The following CLIP2 variants were observed in gnomAD, a reference collection of about 807,000 sequenced individuals.
CLIP2 encodes the protein CAP-Gly domain containing linker protein 2, also known as CAP-Gly domain-containing linker protein 2.
A neutral mutation model predicts 111.7 loss-of-function variants in CLIP2; 41 were observed. The observed-to-expected ratio is 0.37, with a 90% CI of 0.29 to 0.48. CLIP2 has a LOEUF of 0.48. Ranked by LOEUF, CLIP2 falls within the 20% of genes least tolerant of loss-of-function variation. CLIP2 has a pLI of 0.99. For synonymous variants in CLIP2, 660 were observed against 644.2 expected (o/e 1.02, Z -0.37); for missense variants, 1,160 against 1,422.1 (o/e 0.82, Z 2.96).
At chr7:74,297,736 T>G (rs1788213865) in intron 1 of CLIP2, among the ~76,000 whole-genome samples, 1 of 152,026 alleles carries the variant, frequency 6.6e-6, no homozygotes, top group Non-Finnish European at 1.5e-5. Context: ...GCTGGGTGAA[T>G]GTGGCTATGG....
Position 74,405,002 on chromosome 7 carries a change from G to A in CLIP2, c.*1154G>A, listed in dbSNP as rs542636755. The A allele has an allele frequency of 6.6e-6, 1 of 152,348 alleles. No homozygotes were observed. Among genetic ancestry groups the A allele is most frequent in the African/African-American group, 2.4e-5 (1 of 41,548 alleles). The allele number at this position is 152,348 out of a possible 1,614,324, so 9.4% of individuals were successfully genotyped here. On this transcript the variant is annotated 3_prime_UTR_variant, in exon 17 of 17. Transcript: ENST00000223398. Reference sequence around the variant, plus strand: ...CAAGTACACGCAGCCAGGCATTCAGGGGTGTGTTTGCCACATGGAGCATCC... The same window carrying A: ...CAAGTACACGCAGCCAGGCATTCAGAGGTGTGTTTGCCACATGGAGCATCC...
At chr7:74,352,415 C>T (rs149832272) in intron 3 of CLIP2, among the ~76,000 whole-genome samples, 2,358 of 150,664 alleles carry the variant, frequency 0.016, 61 homozygotes, top group African/African-American at 0.054. Flanking sequence ...CCAGCCTGGG[C>T]GACAGAGTGA....
intron 1 of CLIP2, among the ~76,000 whole-genome samples, chr7:74,312,013 A>G (rs1788653546): frequency 6.6e-6 from 1 of 152,058 alleles, no homozygotes; most frequent in South Asian, 2.1e-4. Flanking sequence ...TGGGAGGCTG[A>G]GGCAGGTGGA....
intron 2 of CLIP2, among the ~76,000 whole-genome samples, chr7:74,334,518 CTGGGCTCTAAGCA>C (rs1789393426): frequency 6.6e-6 from 1 of 152,110 alleles, no homozygotes; most frequent in Non-Finnish European, 1.5e-5. Context: ...GGACCCTTCT[CTGGGCTCTAAGCA>C]CAGAGGGCAG....
At chr7:74,292,671 A>C (rs529872924) in intron 1 of CLIP2, among the ~76,000 whole-genome samples, 1 of 152,150 alleles carries the variant, frequency 6.6e-6, no homozygotes, top group South Asian at 2.1e-4. Flanking sequence ...TACAGGCGTG[A>C]GCCACCACGC....
In CLIP2 at chr7:74,315,262, C is replaced by A. The variant is rs138759750; in HGVS notation, c.-67-2218C>A. Among the ~76,000 whole-genome samples, 998 of 151,836 alleles carry A rather than the reference C, an allele frequency of 6.6e-3. 3 individuals carry two copies. Among genetic ancestry groups the A allele is most frequent in the Non-Finnish European group, 0.011 (733 of 67,982 alleles). On this transcript the variant is annotated intron_variant, in intron 1 of 16. Transcript: ENST00000223398. The stretch of plus-strand genomic sequence containing the variant: ...CTGCGCTCTAGCCTGGGCGAGAGAG[C>A]GAGAGTCCGTCACAAAAATACATTT...
chr7:74,344,711 G>GA (rs1789755322), intron 3 of CLIP2, among the ~76,000 whole-genome samples: 1 of 152,044 alleles, frequency 6.6e-6, no homozygotes, highest in Non-Finnish European at 1.5e-5. Context: ...CCTAATCGAG[G>GA]ATTTAGGCTA....
In CLIP2 at chr7:74,301,609, C is replaced by T; in HGVS notation, c.-68+11875C>T. On this transcript the variant is annotated intron_variant, in intron 1 of 16. Transcript: ENST00000223398. The stretch of plus-strand genomic sequence containing the variant: ...GTTTCACCATGTTGGCCAGGCTGGT[C>T]TCAAACTCCTGACCTCAGGTGATCC... 1.3e-5 allele frequency among the ~76,000 whole-genome samples: 2 copies of T among 150,334 alleles called. 1 individual carries two copies. The highest frequency in any genetic ancestry group is 3.0e-5 in the Non-Finnish European group (2 of 67,708).
intron 1 of CLIP2, among the ~76,000 whole-genome samples, chr7:74,296,869 G>A (rs1057511339): frequency 2.6e-5 from 4 of 151,946 alleles, no homozygotes; most frequent in African/African-American, 9.7e-5. Context: ...CTCCATAGCT[G>A]TGAACGCTAC....
chr7:74,365,011 G>T, intron 8 of CLIP2: 1 of 271,556 alleles, frequency 3.7e-6, no homozygotes, highest in South Asian at 3.0e-5. Context: ...GTGTGTGTGT[G>T]TGTGTGTGTG....
chr7:74,290,888 G>A (rs931905801), intron 1 of CLIP2, among the ~76,000 whole-genome samples: 2 of 152,278 alleles, frequency 1.3e-5, no homozygotes, highest in East Asian at 3.9e-4. Flanking sequence ...GTGCAGCCCC[G>A]GGGGTTGATG....
At chr7:74,373,138 A>G (rs565111764) in intron 9 of CLIP2, 102 bp downstream of exon 9, 8 of 669,380 alleles carry the variant, frequency 1.2e-5, no homozygotes, top group Admixed American at 3.0e-5. Context: ...TTTAGCTGCT[A>G]TCATCTTTTT....
intron 2 of CLIP2, among the ~76,000 whole-genome samples, chr7:74,325,921 A>G (rs2528997): frequency 0.62 from 93,939 of 151,642 alleles, 30,957 homozygotes; most frequent in Middle Eastern, 0.75. Context: ...GGGGCCAACC[A>G]TGTGCCATTG....
At chr7:74,382,549 T>A (rs1790976921) in intron 11 of CLIP2, among the ~76,000 whole-genome samples, 1 of 149,772 alleles carries the variant, frequency 6.7e-6, no homozygotes, top group Non-Finnish European at 1.5e-5. Flanking sequence ...CCTGACCTCA[T>A]GATCCTCCCG....
At chr7:74,300,629 T>A (rs1362216470) in intron 1 of CLIP2, among the ~76,000 whole-genome samples, 1 of 152,032 alleles carries the variant, frequency 6.6e-6, no homozygotes, top group Non-Finnish European at 1.5e-5. Flanking sequence ...CTAATTTTTT[T>A]ATATTTTTAG....
chr7:74,403,449 A>G, intron 16 of CLIP2, among the ~76,000 whole-genome samples: 1 of 150,452 alleles, frequency 6.6e-6, no homozygotes, highest in East Asian at 2.0e-4. Flanking sequence ...CATGCCTGTT[A>G]TCCCAGCTAC....
intron 8 of CLIP2, 111 bp downstream of exon 8, chr7:74,364,426 G>C: frequency 2.2e-6 from 2 of 909,340 alleles, no homozygotes; most frequent in Non-Finnish European, 3.4e-6. Flanking sequence ...CGGGGAAGGG[G>C]CTGGGGGGGA....
intron 13 of CLIP2, among the ~76,000 whole-genome samples, chr7:74,390,162 G>GAAGAAAGAGA (rs1416282970): frequency 8.7e-4 from 74 of 85,016 alleles, no homozygotes; most frequent in Middle Eastern, 0.01. Flanking sequence ...AAGAAAGAAA[G>GAAGAAAGAGA]AAGAAAGAAA....
intron 8 of CLIP2, among the ~76,000 whole-genome samples, chr7:74,366,832 C>T (rs1554310928): frequency 1.4e-5 from 2 of 144,330 alleles, no homozygotes; most frequent in African/African-American, 2.5e-5. Context: ...GCCGCGATTG[C>T]GCCACTGCGC....
Sources: allele counts gnomAD v4.1 joint callset (sites outside exome capture counted in the v4.1 genomes callset), GRCh38; gene constraint gnomAD v4.1.1; transcripts MANE v1.5; gene names NCBI Gene and HGNC (gene_info 2026-07-23, HGNC 2026-07-21).